DPY19L2: variants seen among roughly 807,000 people sequenced by gnomAD.
DPY19L2 encodes dpy-19 like 2, also known as probable C-mannosyltransferase DPY19L2.
DPY19L2 carries 34 observed loss-of-function variants against 97.9 expected under a neutral mutation model. That is an observed-to-expected ratio of 0.35 (90% CI 0.26 to 0.46). The LOEUF is 0.46. DPY19L2 is among the 20% of genes least tolerant of loss of function. DPY19L2 has a pLI of 1.00. For synonymous variants in DPY19L2, 230 were observed against 307.9 expected, an observed-to-expected ratio of 0.75 and a Z score of 2.65; for missense variants, 623 against 911.4, an observed-to-expected ratio of 0.68 and a Z score of 4.07.
At chr12:63,615,631 A>T (rs551032550) in intron 11 of DPY19L2, among the ~76,000 whole-genome samples, 2,472 of 152,266 alleles carry the variant, frequency 0.016, 70 homozygotes, top group African/African-American at 0.055. Flanking sequence ...TCATGAGGAT[A>T]AAACCAGGCA....
chr12:63,623,620 A>G (rs1398734227), intron 8 of DPY19L2, among the ~76,000 whole-genome samples: 1 of 152,172 alleles, frequency 6.6e-6, no homozygotes, highest in Non-Finnish European at 1.5e-5. Context: ...TCTTAACTCT[A>G]TACTCAATTT....
At position 63,559,366 on chromosome 12, in the gene DPY19L2, T is replaced by C. The variant is rs1259620044; in HGVS notation, c.*1146A>G. On this transcript the variant is annotated 3_prime_UTR_variant, in exon 22 of 22. Transcript: ENST00000324472. ...TAAGGGAATTATAAAAACCCCAAGA[T>C]GACTCATTTAAAGTAGATGCACATT... 1 of 152,446 alleles carries C rather than the reference T, an allele frequency of 6.6e-6. No homozygotes were observed. The highest frequency in any genetic ancestry group is 1.9e-4 in the East Asian group (1 of 5,184). The allele number at this position is 152,446 out of a possible 1,614,324, so 9.4% of individuals were successfully genotyped here. A position where few individuals can be genotyped will look rare whatever the true frequency, so the allele number is the denominator to read the frequency against.
chr12:63,592,065 C>CAAGAG (rs1186166654), intron 16 of DPY19L2, among the ~76,000 whole-genome samples: 1 of 6,702 alleles, frequency 1.5e-4, no homozygotes, highest in African/African-American at 9.4e-4. Context: ...GAAGGGAAGG[C>CAAGAG]AAGAGAAGAC....
intron 16 of DPY19L2, among the ~76,000 whole-genome samples, chr12:63,593,657 G>T (rs111406225): frequency 1.3e-4 from 20 of 151,278 alleles, no homozygotes; most frequent in Non-Finnish European, 1.8e-4. Flanking sequence ...GGGGGAGAGG[G>T]GAGGGATAGC....
chr12:63,581,927 G>A (rs10878056), intron 18 of DPY19L2, among the ~76,000 whole-genome samples: 92,395 of 150,192 alleles, frequency 0.62, 29,114 homozygotes, highest in African/African-American at 0.75. Flanking sequence ...CAGCCTCCCA[G>A]GTAGCTGGAA....
chr12:63,602,698 A>G (rs1885383418), intron 12 of DPY19L2, among the ~76,000 whole-genome samples: 1 of 152,152 alleles, frequency 6.6e-6, no homozygotes, highest in African/African-American at 2.4e-5. Context: ...TTTGGCTAGC[A>G]TCAGACTTGT....
intron 16 of DPY19L2, among the ~76,000 whole-genome samples, chr12:63,586,693 A>G (rs1881852953): frequency 6.6e-6 from 1 of 152,200 alleles, no homozygotes; most frequent in African/African-American, 2.4e-5. Context: ...TAATACTGGT[A>G]AGAAGCTTAA....
intron 6 of DPY19L2, among the ~76,000 whole-genome samples, chr12:63,629,497 G>A (rs1160553119): frequency 4.6e-5 from 7 of 152,106 alleles, no homozygotes; most frequent in South Asian, 2.1e-4. Context: ...GAAATGAAGC[G>A]AGAGGAGAAG....
chr12:63,601,051 C>G (rs191498940), intron 12 of DPY19L2, among the ~76,000 whole-genome samples: 101 of 152,282 alleles, frequency 6.6e-4, no homozygotes, highest in African/African-American at 2.3e-3. Context: ...TCCCAAAGTG[C>G]TGGGATTACA....
intron 6 of DPY19L2, among the ~76,000 whole-genome samples, chr12:63,639,325 CA>C (rs1892295779): frequency 6.6e-6 from 1 of 152,066 alleles, no homozygotes; most frequent in Non-Finnish European, 1.5e-5. Context: ...AAAGAAATGG[CA>C]ACAAAAGCCA....
intron 6 of DPY19L2, among the ~76,000 whole-genome samples, chr12:63,628,201 G>A (rs1490717905): frequency 1.3e-5 from 2 of 152,174 alleles, no homozygotes; most frequent in African/African-American, 2.4e-5. Flanking sequence ...TCTCACTGGG[G>A]ATTGTCAGAA....
chr12:63,639,268 C>G (rs1444664392), intron 6 of DPY19L2, among the ~76,000 whole-genome samples: 2 of 151,966 alleles, frequency 1.3e-5, no homozygotes, highest in Admixed American at 1.3e-4. Context: ...AAAACCTAGG[C>G]CATTCAGGAC....
Position 63,595,955 on chromosome 12 carries a change from T to C in DPY19L2, c.1533+11A>G. On this transcript the variant is annotated intron_variant, in intron 15 of 21. Coordinates refer to ENST00000324472, the MANE Select transcript of DPY19L2 (RefSeq NM_173812.5). ...GATGCCAAAAACAAATAATAATTTGTTTAAAAATACCTTTTTAAAGATAAA... is the reference window on the plus strand; with the variant it reads ...GATGCCAAAAACAAATAATAATTTGCTTAAAAATACCTTTTTAAAGATAAA... 6.4e-7 allele frequency: 1 copy of C among 1,560,550 alleles called. No homozygotes were observed. Among genetic ancestry groups the C allele is most frequent in the Non-Finnish European group, 8.7e-7 (1 of 1,150,672 alleles).
At chr12:63,621,533 TAG>T (rs1453153774) in intron 8 of DPY19L2, among the ~76,000 whole-genome samples, 196 bp from the exon 9 acceptor site, 2 of 152,176 alleles carry the variant, frequency 1.3e-5, no homozygotes, top group African/African-American at 4.8e-5. Context: ...CAATCAAAAT[TAG>T]AGTTTTAATA....
chr12:63,626,892 C>T (rs1186649963), intron 6 of DPY19L2, among the ~76,000 whole-genome samples: 1 of 152,054 alleles, frequency 6.6e-6, no homozygotes, highest in East Asian at 1.9e-4. Context: ...GATTCTCCTG[C>T]CTCAGGCTCC....
chr12:63,607,008 C>G (rs1205446466), intron 12 of DPY19L2, among the ~76,000 whole-genome samples: 1 of 152,068 alleles, frequency 6.6e-6, no homozygotes, highest in Non-Finnish European at 1.5e-5. Flanking sequence ...CAAAGATACA[C>G]AGAGCAAAAA....
At chr12:63,637,464 G>A (rs1891930757) in intron 6 of DPY19L2, among the ~76,000 whole-genome samples, 1 of 151,972 alleles carries the variant, frequency 6.6e-6, no homozygotes, top group Admixed American at 6.6e-5. Flanking sequence ...TAGACCGCTA[G>A]CAAGACTAAT....
chr12:63,572,902 C>A lies in DPY19L2; in HGVS notation c.1901-2045G>T, dbSNP rs557802422. Among the ~76,000 whole-genome samples, 4 of 152,192 alleles carry A rather than the reference C, an allele frequency of 2.6e-5. 1 individual carries two copies. The highest frequency in any genetic ancestry group is 2.1e-4 in the South Asian group (1 of 4,828). On this transcript the variant is annotated intron_variant, in intron 19 of 21. Transcript: ENST00000324472. The stretch of plus-strand genomic sequence containing the variant: ...CATGGGGTGCCTCCTAGTGCAGATA[C>A]AGCTGCAGCGACCAGAAACTTAGAT...
rs144142112 is a variant in DPY19L2 at position 63,654,572 on chromosome 12, G to A, written c.588+6772C>T. Among the ~76,000 whole-genome samples, 32 of 152,122 alleles carry A rather than the reference G, an allele frequency of 2.1e-4. 1 individual carries two copies. Among genetic ancestry groups the A allele is most frequent in the South Asian group, 4.1e-4 (2 of 4,826 alleles). On this transcript the variant is annotated intron_variant, in intron 4 of 21. Coordinates refer to ENST00000324472, the MANE Select transcript of DPY19L2 (RefSeq NM_173812.5). ...TGGGATTTAAAAATATTATCCAACCGTTTACAAGGAACTCGCTTCAAATAT... is the reference window on the plus strand; with the variant it reads ...TGGGATTTAAAAATATTATCCAACCATTTACAAGGAACTCGCTTCAAATAT...
Sources: gnomAD v4.1 joint callset for allele counts (sites outside exome capture counted in the v4.1 genomes callset) on GRCh38, gnomAD v4.1.1 for gene constraint, MANE v1.5 for transcripts, NCBI Gene and HGNC (gene_info 2026-07-23, HGNC 2026-07-21) for gene names.